CTNNA3: variants seen among roughly 807,000 people sequenced by gnomAD.
CTNNA3 encodes the protein catenin alpha 3.
A neutral mutation model predicts 95.7 loss-of-function variants in CTNNA3; 76 were observed. The ratio of observed to expected loss-of-function variants is 0.79; its 90% CI spans 0.66 to 0.96. The LOEUF (loss-of-function observed/expected upper bound fraction) is 0.96. Ranked by LOEUF, CTNNA3 falls within the 40% of genes least tolerant of loss-of-function variation. The pLI is 0.00. For synonymous variants in CTNNA3, 431 were observed against 374.4 expected (o/e 1.15, Z -1.74); for missense variants, 1,191 against 1,089.8 (o/e 1.09, Z -1.31).
intron 11 of CTNNA3, among the ~76,000 whole-genome samples, chr10:66,440,278 A>G (rs1236699005): frequency 6.6e-6 from 1 of 152,158 alleles, no homozygotes; most frequent in Non-Finnish European, 1.5e-5. Flanking sequence ...GAGCATATAT[A>G]TGTTTATTTA....
chr10:67,112,543 A>G (rs1039315193), intron 7 of CTNNA3, among the ~76,000 whole-genome samples: 27 of 152,118 alleles, frequency 1.8e-4, no homozygotes, highest in African/African-American at 5.8e-4. Flanking sequence ...AAGTAAGATA[A>G]TGGAAGCTGA....
intron 7 of CTNNA3, among the ~76,000 whole-genome samples, chr10:67,169,380 C>A (rs1162470315): frequency 1.3e-5 from 2 of 151,988 alleles, no homozygotes; most frequent in Non-Finnish European, 2.9e-5. Flanking sequence ...TACCCAACTT[C>A]AAACTATACT....
chr10:67,254,713 A>G (rs1866264032), intron 5 of CTNNA3, among the ~76,000 whole-genome samples: 1 of 152,244 alleles, frequency 6.6e-6, no homozygotes, highest in African/African-American at 2.4e-5. Flanking sequence ...TTAAGTAAAT[A>G]AACACCATTG....
intron 2 of CTNNA3, among the ~76,000 whole-genome samples, chr10:67,641,939 A>G (rs1440953391): frequency 6.6e-6 from 1 of 152,212 alleles, no homozygotes; most frequent in Non-Finnish European, 1.5e-5. Context: ...GCACACCAAC[A>G]TGGCACATGT....
intron 6 of CTNNA3, among the ~76,000 whole-genome samples, chr10:67,197,171 A>T (rs4746677): frequency 0.37 from 55,628 of 152,004 alleles, 14,579 homozygotes; most frequent in African/African-American, 0.75. Context: ...CCTAAATGAC[A>T]ACAAATCTGC....
chr10:66,407,416 C>T (rs1490768187), intron 11 of CTNNA3, among the ~76,000 whole-genome samples: 1 of 151,936 alleles, frequency 6.6e-6, no homozygotes, highest in East Asian at 1.9e-4. Flanking sequence ...AAATATCTAG[C>T]ACCGATGATA....
intron 1 of CTNNA3, among the ~76,000 whole-genome samples, chr10:67,666,058 C>G (rs985956035): frequency 6.6e-6 from 1 of 152,096 alleles, no homozygotes; most frequent in African/African-American, 2.4e-5. Context: ...CACAGAAAAG[C>G]CATTCTTTCT....
intron 5 of CTNNA3, among the ~76,000 whole-genome samples, chr10:67,389,308 CAAAG>C (rs1422470709): frequency 6.6e-6 from 1 of 151,020 alleles, no homozygotes; most frequent in African/African-American, 2.4e-5. Flanking sequence ...TCAAAACAGA[CAAAG>C]AAGGCCATTA....
At chr10:67,497,483 T>C (rs1839064424) in intron 5 of CTNNA3, among the ~76,000 whole-genome samples, 3 of 152,228 alleles carry the variant, frequency 2.0e-5, no homozygotes, top group Admixed American at 2.0e-4. Flanking sequence ...GTATTTCTGG[T>C]TCTACATCCT....
At chr10:66,831,184 G>GT (rs1338952077) in intron 7 of CTNNA3, among the ~76,000 whole-genome samples, 2 of 151,970 alleles carry the variant, frequency 1.3e-5, no homozygotes, top group Admixed American at 1.3e-4. Flanking sequence ...AAAAACAATG[G>GT]TCTTTTTAAA....
chr10:66,763,307 AACACACACACACAC>A (rs138081667), intron 9 of CTNNA3, among the ~76,000 whole-genome samples: 1 of 145,222 alleles, frequency 6.9e-6, no homozygotes. Flanking sequence ...TCATGAGATA[AACACACACACACAC>A]ACACACACAC....
Position 67,539,518 on chromosome 10 carries a change from C to G in CTNNA3, c.444G>C (p.Leu148Phe). The part of the protein sequence containing the change: ...LADMIDVMCL[L>F]QHVSAFQRTF... ...TTTTACTTACAGCTGACACATGTTG[C>G]AAGAGGCACATGACATCAATCATGT... Residue 148 changes from leucine to phenylalanine, a missense_variant, in exon 4 of 18, where the codon TTG becomes TTC. Leu to Phe is a conservative substitution (Grantham distance 22). Coordinates refer to ENST00000433211, the MANE Select transcript of CTNNA3 (RefSeq NM_013266.4). 1.2e-6 allele frequency: 2 copies of G among 1,613,288 alleles called. No individual in the cohort carries two copies. The highest frequency in any genetic ancestry group is 1.7e-6 in the Non-Finnish European group (2 of 1,179,464).
At chr10:65,982,332 G>A (rs142435526) in intron 16 of CTNNA3, among the ~76,000 whole-genome samples, 2,435 of 150,998 alleles carry the variant, frequency 0.016, 17 homozygotes, top group Non-Finnish European at 0.024. Flanking sequence ...GCCATGATCA[G>A]AAAAAACAAA....
chr10:65,957,124 T>A (rs2077747280), intron 17 of CTNNA3, among the ~76,000 whole-genome samples: 1 of 152,210 alleles, frequency 6.6e-6, no homozygotes, highest in Admixed American at 6.5e-5. Context: ...GTTGAATTGA[T>A]CCCTTTACCA....
At chr10:66,524,271 T>A (rs1222974191) in intron 10 of CTNNA3, among the ~76,000 whole-genome samples, 5 of 152,248 alleles carry the variant, frequency 3.3e-5, no homozygotes, top group African/African-American at 9.6e-5. Flanking sequence ...TCCTGGGTAA[T>A]GAGCTCCATT....
intron 5 of CTNNA3, among the ~76,000 whole-genome samples, chr10:67,475,833 T>G (rs1462596827): frequency 6.6e-6 from 1 of 152,216 alleles, no homozygotes; most frequent in East Asian, 1.9e-4. Context: ...AGAAGAAGTT[T>G]GGATTTAATC....
At chr10:67,395,625 A>G (rs1844681414) in intron 5 of CTNNA3, among the ~76,000 whole-genome samples, 1 of 152,232 alleles carries the variant, frequency 6.6e-6, no homozygotes, top group African/African-American at 2.4e-5. Flanking sequence ...CAATATCTAT[A>G]TTGGAAAAGT....
chr10:67,691,682 G>GC (rs938650931), intron 1 of CTNNA3, among the ~76,000 whole-genome samples: 5 of 151,842 alleles, frequency 3.3e-5, no homozygotes, highest in Non-Finnish European at 7.4e-5. Flanking sequence ...GAAGTGAGGA[G>GC]CCCCTCCACC....
At chr10:67,223,465 T>A (rs1370922147) in intron 5 of CTNNA3, among the ~76,000 whole-genome samples, 1 of 152,188 alleles carries the variant, frequency 6.6e-6, no homozygotes, top group Non-Finnish European at 1.5e-5. Context: ...CAAGGATTGA[T>A]ACTTATTTAT....
Sources: gnomAD v4.1 joint callset for allele counts (sites outside exome capture counted in the v4.1 genomes callset) on GRCh38, gnomAD v4.1.1 for gene constraint, MANE v1.5 for transcripts, NCBI Gene and HGNC (gene_info 2026-07-23, HGNC 2026-07-21) for gene names.